RBFOX1: variants seen among roughly 807,000 people sequenced by gnomAD.
The protein encoded by RBFOX1 is RNA binding fox-1 homolog 1.
In RBFOX1, 8 loss-of-function variants were observed where a neutral mutation model predicts 57.7. The ratio of observed to expected loss-of-function variants is 0.14; its 90% CI spans 0.08 to 0.25. The LOEUF (loss-of-function observed/expected upper bound fraction) is 0.25, where lower values mean the gene tolerates loss of function less well. RBFOX1 is among the 10% of genes least tolerant of loss of function. The probability of loss-of-function intolerance (pLI) is 1.00; values close to 1 mark genes in which losing one functional copy is unlikely to be tolerated. For synonymous variants in RBFOX1, 326 were observed against 222.4 expected (o/e 1.47, Z -4.15); for missense variants, 611 against 548.5 (o/e 1.11, Z -1.14).
chr16:7,226,342 A>T (rs796172976), intron 4 of RBFOX1, among the ~76,000 whole-genome samples: 9 of 152,328 alleles, frequency 5.9e-5, no homozygotes, highest in African/African-American at 2.2e-4. Flanking sequence ...AAAGAAGTGC[A>T]GTGTGTAATG....
chr16:6,040,048 T>C (rs2095419415), intron 1 of RBFOX1, among the ~76,000 whole-genome samples: 1 of 152,246 alleles, frequency 6.6e-6, no homozygotes, highest in Non-Finnish European at 1.5e-5. Context: ...TTTTTTGAGA[T>C]AGCTTCTCCT....
In RBFOX1 at chr16:6,524,847, T is replaced by C. The variant is rs79476911; in HGVS notation, c.-63-129756T>C. Among the ~76,000 whole-genome samples, 78 of 152,298 alleles carry C rather than the reference T, an allele frequency of 5.1e-4. No individual in the cohort carries two copies. In the East Asian group the frequency reaches 0.014, roughly 28 times the overall value. On this transcript the variant is annotated intron_variant, in intron 2 of 15. Transcript: ENST00000550418. ...GGCTCCTTCTCTGTGTGTCTGAGTC[T>C]ATGTGTCTCCAAATCTCCCTCTCTT...
chr16:5,627,928 G>C (rs1313199305), intron 3 of RBFOX1, among the ~76,000 whole-genome samples: 3 of 152,176 alleles, frequency 2.0e-5, no homozygotes, highest in South Asian at 2.1e-4. Context: ...ATGGAGAAAT[G>C]ATTGTGCCTA....
chr16:6,844,926 T>G (rs1177420759), intron 3 of RBFOX1, among the ~76,000 whole-genome samples: 1 of 152,220 alleles, frequency 6.6e-6, no homozygotes, highest in Non-Finnish European at 1.5e-5. Flanking sequence ...TGAATTTCTC[T>G]AATGATCAGT....
intron 3 of RBFOX1, among the ~76,000 whole-genome samples, chr16:6,789,443 C>T (rs944492186): frequency 6.6e-6 from 1 of 151,982 alleles, no homozygotes; most frequent in Admixed American, 6.6e-5. Flanking sequence ...GTGTGGAAGG[C>T]GAGAGAAACA....
intron 1 of RBFOX1, among the ~76,000 whole-genome samples, chr16:6,146,302 A>G (rs762731077): frequency 6.6e-6 from 1 of 152,126 alleles, no homozygotes; most frequent in Non-Finnish European, 1.5e-5. Flanking sequence ...AGAAAATATT[A>G]TTTGAGTCTT....
intron 3 of RBFOX1, among the ~76,000 whole-genome samples, chr16:5,685,888 G>C (rs2050489670): frequency 6.6e-6 from 1 of 152,212 alleles, no homozygotes; most frequent in East Asian, 1.9e-4. Flanking sequence ...TGCAGAAAGA[G>C]ATGTTCATTG....
chr16:7,184,806 C>T (rs2083399161), intron 4 of RBFOX1, among the ~76,000 whole-genome samples: 1 of 152,072 alleles, frequency 6.6e-6, no homozygotes, highest in Non-Finnish European at 1.5e-5. Flanking sequence ...TATGTATCAA[C>T]TCAGAACTTT....
chr16:5,760,408 A>G (rs145527438), intron 3 of RBFOX1, among the ~76,000 whole-genome samples: 110 of 152,268 alleles, frequency 7.2e-4, no homozygotes, highest in African/African-American at 2.6e-3. Context: ...ACACACATAC[A>G]TATATACCCC....
At chr16:6,381,948 C>T (rs1188712032) in intron 2 of RBFOX1, among the ~76,000 whole-genome samples, 2 of 152,200 alleles carry the variant, frequency 1.3e-5, no homozygotes, top group East Asian at 1.9e-4. Context: ...ATCATCCTCT[C>T]CTAGGAAAAG....
At chr16:6,561,928 G>C (rs888957141) in intron 2 of RBFOX1, among the ~76,000 whole-genome samples, 1 of 152,124 alleles carries the variant, frequency 6.6e-6, no homozygotes, top group Non-Finnish European at 1.5e-5. Context: ...CTCTGGCCTA[G>C]GTAAGTCAAG....
At chr16:6,887,575 T>C (rs2072136477) in intron 3 of RBFOX1, among the ~76,000 whole-genome samples, 2 of 152,084 alleles carry the variant, frequency 1.3e-5, no homozygotes, top group African/African-American at 4.8e-5. Flanking sequence ...TTTTTTCCTT[T>C]CGAATTCTGC....
chr16:7,053,966 A>C (rs1023513958), intron 4 of RBFOX1, among the ~76,000 whole-genome samples: 1 of 152,036 alleles, frequency 6.6e-6, no homozygotes, highest in African/African-American at 2.4e-5. Context: ...AAGAGAGTGC[A>C]ATGGAGTTTT....
At chr16:7,455,572 T>G (rs1280607161) in intron 4 of RBFOX1, among the ~76,000 whole-genome samples, 2 of 151,980 alleles carry the variant, frequency 1.3e-5, no homozygotes, top group Non-Finnish European at 2.9e-5. Context: ...AGGGCAGATT[T>G]CTTTAGTTCA....
intron 4 of RBFOX1, among the ~76,000 whole-genome samples, chr16:5,948,421 G>A (rs546869998): frequency 2.3e-3 from 357 of 152,296 alleles, no homozygotes; most frequent in African/African-American, 8.2e-3. Context: ...GTTGAACAGC[G>A]TCTGCCCAAA....
intron 1 of RBFOX1, among the ~76,000 whole-genome samples, chr16:5,358,185 G>A (rs1347722555): frequency 1.3e-5 from 2 of 151,994 alleles, no homozygotes; most frequent in Non-Finnish European, 2.9e-5. Context: ...GGTTATAGAT[G>A]CATCACCCTG....
chr16:7,324,558 T>C (rs2096586743), intron 4 of RBFOX1, among the ~76,000 whole-genome samples: 1 of 152,240 alleles, frequency 6.6e-6, no homozygotes, highest in Admixed American at 6.5e-5. Context: ...TGAGGCATTG[T>C]TGATCTCAGC....
intron 4 of RBFOX1, among the ~76,000 whole-genome samples, chr16:5,898,350 C>T (rs1306587903): frequency 6.6e-6 from 1 of 152,068 alleles, no homozygotes. Flanking sequence ...AGAGCAAGAT[C>T]TTAACTCTTC....
chr16:7,262,552 G>T (rs902883469), intron 4 of RBFOX1, among the ~76,000 whole-genome samples: 1 of 152,264 alleles, frequency 6.6e-6, no homozygotes, highest in Non-Finnish European at 1.5e-5. Flanking sequence ...ACCCCACTTT[G>T]TGGGGCACCC....
Sources: gnomAD v4.1 joint callset for allele counts (sites outside exome capture counted in the v4.1 genomes callset) on GRCh38, gnomAD v4.1.1 for gene constraint, MANE v1.5 for transcripts, NCBI Gene and HGNC (gene_info 2026-07-23, HGNC 2026-07-21) for gene names.